The following OR1I1 variants were observed in gnomAD, a reference collection of about 807,000 sequenced individuals.
The protein encoded by OR1I1 is olfactory receptor family 1 subfamily I member 1, also known as olfactory receptor 1I1.
For missense variants in OR1I1, 451 were observed against 443.6 expected, an observed-to-expected ratio of 1.02 and a Z score of -0.15; for synonymous variants, 171 against 181.4, an observed-to-expected ratio of 0.94 and a Z score of 0.46.
intron 1 of OR1I1, among the ~76,000 whole-genome samples, chr19:15,086,572 GC>G (rs1420727681): frequency 1.4e-4 from 22 of 152,116 alleles, no homozygotes; most frequent in African/African-American, 5.1e-4. Context: ...ACCTGCCTCA[GC>G]CTCTAGAGTA....
rs1216317048 is a variant in OR1I1, at chr19:15,089,035, TGATA to T, written c.*910_*913del. The T allele has an allele frequency of 9.3e-5, 14 of 150,524 alleles. No individual in the cohort carries two copies. The highest frequency in any genetic ancestry group is 4.3e-4 in the South Asian group (2 of 4,638). The allele number at this position is 150,524 out of a possible 1,614,324, so 9.3% of individuals were successfully genotyped here. ...ATTGATCAATCGATCAACAGATAGA[TGATA>T]GATAGATGGATGGATAGATAGAGAT... On this transcript the variant is annotated 3_prime_UTR_variant, in exon 2 of 2. Transcript: ENST00000641398.
chr19:15,089,447 C>T lies in OR1I1; in HGVS notation c.*1314C>T, dbSNP rs147488332. On this transcript the variant is annotated 3_prime_UTR_variant, in exon 2 of 2. Coordinates refer to ENST00000641398, the MANE Select transcript of OR1I1 (RefSeq NM_001004713.2). ...ACTCTGAACCCAGTATGATTCTACA[C>T]GCAGGGTCAGCCACAGCAGATCAGG... The T allele has an allele frequency of 5.9e-5, 9 of 152,282 alleles. No homozygotes were observed. Among genetic ancestry groups the T allele is most frequent in the South Asian group, 2.1e-4 (1 of 4,830 alleles). 9.4% of individuals were successfully genotyped at this position (152,282 alleles called of 1,614,324 possible). A position where few individuals can be genotyped will look rare whatever the true frequency, so the allele number is the denominator to read the frequency against.
rs1024786968 is a variant in OR1I1 at position 15,092,394 on chromosome 19, TA to T, written c.*4262del. The T allele has an allele frequency of 2.6e-5, 4 of 151,918 alleles. No homozygotes were observed. Among genetic ancestry groups the T allele is most frequent in the African/African-American group, 9.7e-5 (4 of 41,292 alleles). The allele number at this position is 151,918 out of a possible 1,614,324, so 9.4% of individuals were successfully genotyped here. Reference sequence around the variant, plus strand: ...GGACCATGACAAGGTTTAAGGAGGATAGGGGGTGGGGCTGTGCTTCAGAACG... The same window carrying T: ...GGACCATGACAAGGTTTAAGGAGGATGGGGGTGGGGCTGTGCTTCAGAACG... On this transcript the variant is annotated 3_prime_UTR_variant, in exon 2 of 2. Coordinates refer to ENST00000641398, the MANE Select transcript of OR1I1 (RefSeq NM_001004713.2).
chr19:15,084,513 G>A (rs1383103094), intron 1 of OR1I1, among the ~76,000 whole-genome samples: 4 of 152,052 alleles, frequency 2.6e-5, no homozygotes, highest in East Asian at 3.9e-4. Context: ...AGCCAAGATC[G>A]CGCCACTGCA....
At chr19:15,086,509 C>T (rs1485389378) in intron 1 of OR1I1, among the ~76,000 whole-genome samples, 1 of 151,678 alleles carries the variant, frequency 6.6e-6, no homozygotes. Context: ...GCTAGAGAGC[C>T]GTGGCACAAT....
Position 15,087,185 on chromosome 19 carries a change from T to C in OR1I1, c.120T>C (p.Ile40=). 1.2e-6 allele frequency: 2 copies of C among 1,614,132 alleles called. No homozygotes were observed. The highest frequency in any genetic ancestry group is 1.7e-6 in the Non-Finnish European group (2 of 1,180,004). Reference sequence around the variant, plus strand: ...TCTCCACATACCTGGTCACCATCATTGGAAATGCCCTCATTATCCTGGCCA... The same window carrying C: ...TCTCCACATACCTGGTCACCATCATCGGAAATGCCCTCATTATCCTGGCCA... The part of the protein sequence containing the change: ...MFLSTYLVTI[I]GNALIILAII... Residue 40 remains isoleucine, a synonymous_variant, in exon 2 of 2, where the codon ATT becomes ATC. Transcript: ENST00000641398.
At position 15,087,403 on chromosome 19, in the gene OR1I1, T is replaced by C; in HGVS notation, c.338T>C (p.Phe113Ser). The C allele has an allele frequency of 6.2e-7, 1 of 1,614,186 alleles. No individual in the cohort carries two copies. Among genetic ancestry groups the C allele is most frequent in the African/African-American group, 1.3e-5 (1 of 75,050 alleles). The change falls in exon 2 of 2, where the codon TTT (phenylalanine) becomes TCT (serine). Residue 113 changes from phenylalanine (F) to serine (S), a missense_variant. Coordinates refer to ENST00000641398, the MANE Select transcript of OR1I1 (RefSeq NM_001004713.2). ...AFHLFGTMDS[F>S]LLAVMAIDRF... Reference sequence around the variant, plus strand: ...CACCTGTTCGGGACCATGGACAGCTTTCTCCTGGCAGTAATGGCCATCGAC... The same window carrying C: ...CACCTGTTCGGGACCATGGACAGCTCTCTCCTGGCAGTAATGGCCATCGAC...
rs1294738099 is a variant in OR1I1 at position 15,087,786 on chromosome 19, T to C, written c.721T>C (p.Cys241Arg). 1.2e-6 allele frequency: 2 copies of C among 1,614,178 alleles called. No individual in the cohort carries two copies. Among genetic ancestry groups the C allele is most frequent in the South Asian group, 2.2e-5 (2 of 91,088 alleles). Residue 241 changes from cysteine (C) to arginine (R), a missense_variant, in exon 2 of 2, where the codon TGT (cysteine) becomes CGT (arginine). Cys to Arg is a radical substitution (Grantham distance 180). Transcript: ENST00000641398. The part of the protein sequence containing the change: ...TRGKWKAFST[C>R]GLHLTVVSLS... ...GGGCAAGTGGAAAGCCTTCTCCACC[T>C]GTGGCTTACACCTCACTGTGGTGTC...
chr19:15,082,770 AGCGGGGGGGAGGGG>A (rs2046214381), intron 1 of OR1I1, among the ~76,000 whole-genome samples: 1 of 26,060 alleles, frequency 3.8e-5, no homozygotes, highest in African/African-American at 1.2e-4. Flanking sequence ...TGAGTTTGGG[AGCGGGGGGGAGGGG>A]GCGGGGGGAT....
At position 15,087,780 on chromosome 19, in the gene OR1I1, T is replaced by C. The variant is rs374404999; in HGVS notation, c.715T>C (p.Ser239Pro). ...PSTRGKWKAFSTCGLHLTVVS... is the reference protein window; with the variant it reads ...PSTRGKWKAFPTCGLHLTVVS... ...TACTCGGGGCAAGTGGAAAGCCTTC[T>C]CCACCTGTGGCTTACACCTCACTGT... The change falls in exon 2 of 2, where the codon TCC (serine) becomes CCC (proline). Residue 239 changes from serine to proline, a missense_variant. Ser to Pro is a moderately conservative substitution (Grantham distance 74, BLOSUM62 -1). Transcript: ENST00000641398. 5.0e-6 allele frequency: 8 copies of C among 1,614,220 alleles called. No individual in the cohort carries two copies. The highest frequency in any genetic ancestry group is 6.8e-6 in the Non-Finnish European group (8 of 1,180,042).
chr19:15,088,951 T>TGATAGATAGACA lies in OR1I1; in HGVS notation c.*828_*829insCAGATAGATAGA, dbSNP rs2046245339. 1 of 145,854 alleles carries TGATAGATAGACA rather than the reference T, an allele frequency of 6.9e-6. No homozygotes were observed. Among genetic ancestry groups the TGATAGATAGACA allele is most frequent in the Non-Finnish European group, 1.5e-5 (1 of 66,768 alleles). 9.0% of individuals were successfully genotyped at this position (145,854 alleles called of 1,614,324 possible). On this transcript the variant is annotated 3_prime_UTR_variant, in exon 2 of 2. Coordinates refer to ENST00000641398, the MANE Select transcript of OR1I1 (RefSeq NM_001004713.2). ...TAGATAGATCATATAAGTAGATAGA[T>TGATAGATAGACA]GATAGATAGATAGATAGATAGATAG...
chr19:15,085,151 TA>T (rs1568321820), intron 1 of OR1I1, among the ~76,000 whole-genome samples: 4,028 of 42,728 alleles, frequency 0.094, 443 homozygotes, highest in African/African-American at 0.22. Flanking sequence ...TATATATATA[TA>T]TATATATATA....
At chr19:15,085,176 A>ATATT (rs1555717400) in intron 1 of OR1I1, among the ~76,000 whole-genome samples, 12 of 80,122 alleles carry the variant, frequency 1.5e-4, no homozygotes, top group Non-Finnish European at 2.5e-4. Flanking sequence ...ATATATATAT[A>ATATT]TTTTTTTTTT....
At chr19:15,085,734 T>C (rs1405520137) in intron 1 of OR1I1, among the ~76,000 whole-genome samples, 1 of 152,086 alleles carries the variant, frequency 6.6e-6, no homozygotes, top group Non-Finnish European at 1.5e-5. Context: ...CTACTCTGCT[T>C]CTATGAGATT....
chr19:15,085,240 A>G (rs1288641467), intron 1 of OR1I1, among the ~76,000 whole-genome samples: 2 of 142,582 alleles, frequency 1.4e-5, no homozygotes, highest in African/African-American at 5.2e-5. Context: ...GCTCAATCTC[A>G]GCCCACTGCA....
rs1178569234 is a variant in OR1I1, at chr19:15,088,319, G to C, written c.*186G>C. The C allele has an allele frequency of 4.6e-6, 3 of 650,906 alleles. No individual in the cohort carries two copies. The highest frequency in any genetic ancestry group is 3.2e-5 in the Admixed American group (1 of 31,602). The allele number at this position is 650,906 out of a possible 1,614,324, so 40.3% of individuals were successfully genotyped here. On this transcript the variant is annotated 3_prime_UTR_variant, in exon 2 of 2. Coordinates refer to ENST00000641398, the MANE Select transcript of OR1I1 (RefSeq NM_001004713.2). ...CCTTTTAGGATTGCTATGTGAATAA[G>C]AGTAGTTGAAAACAAGAGACGTAGC...
rs11667664 is a variant in OR1I1 at position 15,092,259 on chromosome 19, G to C, written c.*4126G>C. 6.6e-6 allele frequency: 1 copy of C among 152,042 alleles called. No individual in the cohort carries two copies. The highest frequency in any genetic ancestry group is 6.6e-5 in the Admixed American group (1 of 15,218). The allele number at this position is 152,042 out of a possible 1,614,324, so 9.4% of individuals were successfully genotyped here. ...TGAGAAGGAGCCTGTGTTGTTTAAA[G>C]AAATCACGGAGACTGGTGTGGCCTG... On this transcript the variant is annotated 3_prime_UTR_variant, in exon 2 of 2. Transcript: ENST00000641398.
chr19:15,083,881 G>C (rs1020781011), intron 1 of OR1I1, among the ~76,000 whole-genome samples: 1 of 152,110 alleles, frequency 6.6e-6, no homozygotes, highest in Non-Finnish European at 1.5e-5. Flanking sequence ...CCAGCTATTC[G>C]GGTGGCTGAG....
At position 15,087,703 on chromosome 19, in the gene OR1I1, G is replaced by T. The variant is rs975824173; in HGVS notation, c.638G>T (p.Cys213Phe). The T allele has an allele frequency of 2.2e-5, 35 of 1,614,094 alleles. No individual in the cohort carries two copies. Among genetic ancestry groups the T allele is most frequent in the Non-Finnish European group, 2.9e-5 (34 of 1,180,054 alleles). Reference sequence around the variant, plus strand: ...GTCGTGGGCACCAGCCCATTCTCCTGCATCCTTCTCTCGTACATCCGCATT... The same window carrying T: ...GTCGTGGGCACCAGCCCATTCTCCTTCATCCTTCTCTCGTACATCCGCATT... Reference protein sequence around the residue: ...GIVVGTSPFSCILLSYIRIFW... With the variant: ...GIVVGTSPFSFILLSYIRIFW... The change falls in exon 2 of 2, where the codon TGC becomes TTC. Residue 213 changes from cysteine to phenylalanine, a missense_variant. By Grantham distance (205) the Cys-to-Phe change is radical. Transcript: ENST00000641398.
Sources: allele counts gnomAD v4.1 joint callset (sites outside exome capture counted in the v4.1 genomes callset), GRCh38; gene constraint gnomAD v4.1.1; transcripts MANE v1.5; gene names NCBI Gene and HGNC (gene_info 2026-07-23, HGNC 2026-07-21).